The following LRCH1 variants were observed in gnomAD, a reference collection of about 807,000 sequenced individuals.
LRCH1 encodes the protein leucine-rich repeat and calponin homology domain-containing protein 1.
A neutral mutation model predicts 94.9 loss-of-function variants in LRCH1; 23 were observed. The observed-to-expected ratio is 0.24, with a 90% CI of 0.17 to 0.34. The LOEUF (loss-of-function observed/expected upper bound fraction) is 0.34. LRCH1 is among the 10% of genes least tolerant of loss of function. The pLI is 1.00. For missense variants in LRCH1, 790 were observed against 945.9 expected (o/e 0.84, Z 2.16); for synonymous variants, 364 against 354.9 (o/e 1.03, Z -0.29).
At chr13:46,661,311 T>G (rs2051444951) in intron 2 of LRCH1, among the ~76,000 whole-genome samples, 1 of 152,140 alleles carries the variant, frequency 6.6e-6, no homozygotes, top group South Asian at 2.1e-4. Flanking sequence ...GTCTGAAAAG[T>G]GGGAGGTCTT....
At chr13:46,617,569 A>G (rs1020794863) in intron 1 of LRCH1, among the ~76,000 whole-genome samples, 1 of 152,220 alleles carries the variant, frequency 6.6e-6, no homozygotes, top group African/African-American at 2.4e-5. Context: ...AGGTTCTCGC[A>G]GGGGCTCGTC....
At chr13:46,652,550 T>G (rs1305029807) in intron 2 of LRCH1, among the ~76,000 whole-genome samples, 1 of 152,202 alleles carries the variant, frequency 6.6e-6, no homozygotes, top group Non-Finnish European at 1.5e-5. Context: ...TCTGACCATT[T>G]TGAATTTTCT....
intron 13 of LRCH1, among the ~76,000 whole-genome samples, chr13:46,709,312 C>T (rs1319678971): frequency 1.3e-5 from 2 of 152,182 alleles, no homozygotes; most frequent in African/African-American, 4.8e-5. Flanking sequence ...TGGCCCAGCC[C>T]AGCTTTCCCT....
At chr13:46,585,892 T>A (rs1322965646) in intron 1 of LRCH1, among the ~76,000 whole-genome samples, 8 of 152,202 alleles carry the variant, frequency 5.3e-5, no homozygotes, top group Non-Finnish European at 1.2e-4. Flanking sequence ...TCTTTCCGTT[T>A]AAAATCTAAG....
At position 46,708,274 on chromosome 13, in the gene LRCH1, ATCT is replaced by A. The variant is rs1871870981; in HGVS notation, c.1527+2972_1527+2974del. ...TTTGTCTAGGTCTAGTTTTCATCCCATCTTTTTTTTTTTTTTTTTTGAGGCAGA... is the reference window on the plus strand; with the variant it reads ...TTTGTCTAGGTCTAGTTTTCATCCCATTTTTTTTTTTTTTTTTGAGGCAGA... On this transcript the variant is annotated intron_variant, in intron 13 of 19. Transcript: ENST00000389797. 3.3e-5 allele frequency among the ~76,000 whole-genome samples: 3 copies of A among 90,496 alleles called. No individual in the cohort carries two copies. In the Admixed American group the frequency reaches 3.9e-4, roughly 12 times the overall value. 59.4% of individuals were successfully genotyped at this position (90,496 alleles called of 152,430 possible). A position where few individuals can be genotyped will look rare whatever the true frequency, so the allele number is the denominator to read the frequency against.
intron 2 of LRCH1, among the ~76,000 whole-genome samples, chr13:46,658,866 T>G (rs752189236): frequency 1.3e-5 from 2 of 152,256 alleles, no homozygotes; most frequent in African/African-American, 2.4e-5. Context: ...ATTATCTGTT[T>G]GAAATAGATT....
intron 1 of LRCH1, among the ~76,000 whole-genome samples, chr13:46,613,242 T>A (rs537584896): frequency 1.3e-5 from 2 of 151,696 alleles, no homozygotes; most frequent in Non-Finnish European, 2.9e-5. Context: ...AGACAAAAAT[T>A]AGCCGAGCGT....
chr13:46,714,742 C>T (rs889486254), intron 15 of LRCH1, among the ~76,000 whole-genome samples: 9 of 152,044 alleles, frequency 5.9e-5, no homozygotes, highest in African/African-American at 2.2e-4. Context: ...ATAGATATTT[C>T]CTAAATATGA....
At chr13:46,660,817 A>G (rs2051438851) in intron 2 of LRCH1, among the ~76,000 whole-genome samples, 1 of 152,178 alleles carries the variant, frequency 6.6e-6, no homozygotes, top group Admixed American at 6.5e-5. Flanking sequence ...CCTTTGACTC[A>G]GTTGAGCACT....
Position 46,733,942 on chromosome 13 carries a change from T to C in LRCH1, c.2029T>C (p.Cys677Arg). The C allele has an allele frequency of 6.2e-7, 1 of 1,604,638 alleles. No homozygotes were observed. Among genetic ancestry groups the C allele is most frequent in the Non-Finnish European group, 8.5e-7 (1 of 1,175,150 alleles). ...ATAGCCCAAACTTAGCATGGCCAAA[T>C]GCAGAAGAAATGTGGAAAACTTTTT... ...PAVPKLSMAK[C>R]RRNVENFLEA... The change falls in exon 19 of 20, where the codon TGC becomes CGC. Residue 677 changes from cysteine to arginine, a missense_variant. By Grantham distance (180) the Cys-to-Arg change is radical. This residue lies in a region of LRCH1 where 460 missense variants were observed against 508.9 expected (regional missense o/e 0.90). Coordinates refer to ENST00000389797, the MANE Select transcript of LRCH1 (RefSeq NM_001164211.2).
At chr13:46,570,225 A>G (rs2137917497) in intron 1 of LRCH1, among the ~76,000 whole-genome samples, 1 of 152,324 alleles carries the variant, frequency 6.6e-6, no homozygotes, top group African/African-American at 2.4e-5. Flanking sequence ...CTAAGTGGCA[A>G]GACTGGGATT....
At chr13:46,663,532 G>A (rs2051475946) in intron 2 of LRCH1, among the ~76,000 whole-genome samples, 1 of 152,176 alleles carries the variant, frequency 6.6e-6, no homozygotes, top group African/African-American at 2.4e-5. Context: ...TCACTGCTGT[G>A]TGCATATAAA....
At chr13:46,591,827 G>A (rs1780369305) in intron 1 of LRCH1, among the ~76,000 whole-genome samples, 1 of 152,220 alleles carries the variant, frequency 6.6e-6, no homozygotes, top group Non-Finnish European at 1.5e-5. Flanking sequence ...TCTTCCTACT[G>A]TAATTATAGT....
At chr13:46,613,177 G>A (rs926613418) in intron 1 of LRCH1, among the ~76,000 whole-genome samples, 4 of 152,062 alleles carry the variant, frequency 2.6e-5, no homozygotes, top group Admixed American at 6.5e-5. Flanking sequence ...GGATCACGAG[G>A]TCAGGAGATC....
At chr13:46,696,568 C>G (rs1871201686) in intron 9 of LRCH1, among the ~76,000 whole-genome samples, 1 of 152,068 alleles carries the variant, frequency 6.6e-6, no homozygotes, top group Non-Finnish European at 1.5e-5. Flanking sequence ...AAATGGCTGC[C>G]CTACAGAATG....
At chr13:46,704,035 G>A (rs1871625019) in intron 11 of LRCH1, among the ~76,000 whole-genome samples, 1 of 152,012 alleles carries the variant, frequency 6.6e-6, no homozygotes, top group East Asian at 1.9e-4. Flanking sequence ...ATTTTATATG[G>A]ATTCTTTCAT....
chr13:46,734,346 T>A (rs901890552), intron 19 of LRCH1, among the ~76,000 whole-genome samples: 1 of 152,202 alleles, frequency 6.6e-6, no homozygotes, highest in Non-Finnish European at 1.5e-5. Flanking sequence ...GAGTAGAATT[T>A]TGGAGCTGAT....
chr13:46,610,511 A>G (rs546850697), intron 1 of LRCH1, among the ~76,000 whole-genome samples: 1 of 148,312 alleles, frequency 6.7e-6, no homozygotes, highest in African/African-American at 2.5e-5. Context: ...TAATTTCAGT[A>G]GGTTTTTGGG....
chr13:46,726,073 T>A (rs536050571), intron 17 of LRCH1, among the ~76,000 whole-genome samples: 27 of 152,352 alleles, frequency 1.8e-4, no homozygotes, highest in Admixed American at 1.5e-3. Context: ...TTTATTAAAA[T>A]CACCAAATTA....
Sources: gnomAD v4.1 joint callset for allele counts (sites outside exome capture counted in the v4.1 genomes callset) on GRCh38, gnomAD v4.1.1 for gene constraint, gnomAD v4.1.1 regional missense constraint, MANE v1.5 for transcripts, NCBI Gene and HGNC (gene_info 2026-07-23, HGNC 2026-07-21) for gene names.